The following C2orf78 variants were observed in gnomAD, a reference collection of about 807,000 sequenced individuals.
C2orf78 encodes the protein chromosome 2 open reading frame 78, also known as uncharacterized protein C2orf78.
Under a neutral mutation model 21.4 loss-of-function variants are expected in C2orf78, and 12 were observed. That is an observed-to-expected ratio of 0.56 (90% confidence interval 0.36 to 0.91). C2orf78 has a LOEUF of 0.91. Among genes scored for constraint, C2orf78 ranks in the 40% least tolerant of loss-of-function variants. The pLI, the probability that C2orf78 is intolerant of heterozygous loss-of-function variation, is 0.01. For synonymous variants in C2orf78, 396 were observed against 413.9 expected (o/e 0.96, Z 0.52); for missense variants, 1,042 against 1,092.4 (o/e 0.95, Z 0.65).
rs369481277 is a variant in C2orf78, at chr2:73,813,774, C to A, written c.395C>A (p.Thr132Lys). Residue 132 changes from threonine (T) to lysine (K), a missense_variant, in exon 2 of 3, where the codon ACA becomes AAA. Coordinates refer to ENST00000409561, the Ensembl canonical transcript of C2orf78. ...CCAGGCGTTTTTGAGTGGGATAGTA[C>A]AGCAAGCACAGTAAAGAAGTCATCC... The A allele has an allele frequency of 1.9e-6, 3 of 1,613,952 alleles. No individual in the cohort carries two copies. In the African/African-American group the frequency reaches 4.0e-5, roughly 22 times the overall value.
intron 1 of C2orf78, among the ~76,000 whole-genome samples, chr2:73,810,549 A>G (rs1268386842): frequency 4.2e-5 from 6 of 142,732 alleles, no homozygotes; most frequent in African/African-American, 1.5e-4. Flanking sequence ...ATATATATAT[A>G]TATACATAAA....
chr2:73,798,550 TC>T (rs1672962470), intron 1 of C2orf78, among the ~76,000 whole-genome samples: 1 of 3,744 alleles, frequency 2.7e-4, no homozygotes, highest in Admixed American at 1.5e-3. Flanking sequence ...AACTTAGACA[TC>T]CCCTTCCTTT....
At chr2:73,798,109 T>C (rs1672956485) in intron 1 of C2orf78, among the ~76,000 whole-genome samples, 1 of 107,430 alleles carries the variant, frequency 9.3e-6, no homozygotes, top group Admixed American at 8.8e-5. Flanking sequence ...TCAAGGAACT[T>C]TGCTGTTCAA....
In C2orf78 at chr2:73,816,956, T is replaced by G. The variant is rs1673216176; in HGVS notation, c.2733T>G (p.Asp911Glu). The G allele has an allele frequency of 1.5e-5, 24 of 1,611,050 alleles. 1 individual carries two copies. The highest frequency in any genetic ancestry group is 2.0e-5 in the Non-Finnish European group (24 of 1,178,488). The change falls in exon 3 of 3, where the codon GAT becomes GAG. Residue 911 changes from aspartate to glutamate, a missense_variant. By Grantham distance (45) the Asp-to-Glu change is conservative. Transcript: ENST00000409561. ...AGTTTTTCATTGAAAGGGAAAGAGA[T>G]ATGGAAATTGCTGAATACTATGGCT...
At position 73,813,995 on chromosome 2, in the gene C2orf78, C is replaced by T. The variant is rs1558542380; in HGVS notation, c.616C>T (p.Gln206Ter). ...GGGCCATAACCTGTCACTTCCCTGCCAGATAGGAAGCCAGGTCTATTACTA... is the reference window on the plus strand; with the variant it reads ...GGGCCATAACCTGTCACTTCCCTGCTAGATAGGAAGCCAGGTCTATTACTA... The change falls in exon 2 of 3, where the codon CAG (glutamine) becomes TAG (stop). Residue 206 changes from glutamine (Q) to a stop codon, truncating the protein, a stop_gained. Coordinates refer to ENST00000409561, the Ensembl canonical transcript of C2orf78. LOFTEE classifies it high-confidence loss of function. 1 of 1,614,022 alleles carries T rather than the reference C, an allele frequency of 6.2e-7. No individual in the cohort carries two copies. Among genetic ancestry groups the T allele is most frequent in the South Asian group, 1.1e-5 (1 of 91,084 alleles).
chr2:73,814,744 T>C (rs754625532), intron 2 of C2orf78, among the ~76,000 whole-genome samples: 2 of 152,216 alleles, frequency 1.3e-5, no homozygotes, highest in Non-Finnish European at 2.9e-5. Context: ...ACTGTTCTTA[T>C]TCTCTCAGGA....
At chr2:73,786,066 G>T (rs1331163109) in intron 1 of C2orf78, among the ~76,000 whole-genome samples, 2 of 151,844 alleles carry the variant, frequency 1.3e-5, no homozygotes, top group East Asian at 2.0e-4. Context: ...AAAAAAGAAA[G>T]AGAGAAATAT....
exon 3 of C2orf78, chr2:73,815,556 A>G: frequency 1.9e-6 from 3 of 1,613,990 alleles, no homozygotes; most frequent in Non-Finnish European, 2.5e-6. Flanking sequence ...GGCAGACATC[A>G]CTACATGGGT....
intron 1 of C2orf78, among the ~76,000 whole-genome samples, chr2:73,798,311 CG>C (rs1672960414): frequency 5.9e-5 from 2 of 33,674 alleles, no homozygotes; most frequent in Admixed American, 5.0e-4. Flanking sequence ...AAAAATTAGC[CG>C]GCTGAAGTGG....
At chr2:73,812,434 G>C (rs1277169586) in intron 1 of C2orf78, among the ~76,000 whole-genome samples, 1 of 152,056 alleles carries the variant, frequency 6.6e-6, no homozygotes, top group Non-Finnish European at 1.5e-5. Flanking sequence ...AATTATCACT[G>C]TTATTATTTT....
intron 1 of C2orf78, among the ~76,000 whole-genome samples, chr2:73,786,102 G>C (rs1672925295): frequency 6.6e-6 from 1 of 151,850 alleles, no homozygotes; most frequent in South Asian, 2.1e-4. Context: ...CTTCCAGGCA[G>C]GGTGCGGTGG....
At position 73,809,163 on chromosome 2, in the gene C2orf78, T is replaced by C. The variant is rs552062728; in HGVS notation, c.98-4314T>C. On this transcript the variant is annotated intron_variant, in intron 1 of 2. Coordinates refer to ENST00000409561, the Ensembl canonical transcript of C2orf78. ...TATTCCCCCTGGCCTTTTTCTTTTC[T>C]AATACTGAGTCTTAAAGGGTATACG... Among the ~76,000 whole-genome samples, 91 of 152,240 alleles carry C rather than the reference T, an allele frequency of 6.0e-4. 1 individual carries two copies. The highest frequency in any genetic ancestry group is 2.2e-3 in the African/African-American group (90 of 41,476).
At chr2:73,815,152 A>C in exon 3 of C2orf78, 1 of 1,613,932 alleles carries the variant, frequency 6.2e-7, no homozygotes, top group East Asian at 2.2e-5. Context: ...CAAACTCCAG[A>C]ATTCTCCAAG....
chr2:73,784,423 T>A lies in C2orf78; in HGVS notation c.97+17T>A. The A allele has an allele frequency of 1.2e-6, 1 of 802,890 alleles. No homozygotes were observed. Among genetic ancestry groups the A allele is most frequent in the East Asian group, 2.7e-5 (1 of 36,448 alleles). 49.7% of individuals were successfully genotyped at this position (802,890 alleles called of 1,614,324 possible). On this transcript the variant is annotated intron_variant, in intron 1 of 2. Transcript: ENST00000409561. ...CCATGTCAGGTAAAGAGAGAAACTTTTTAAAAAGGTTTTCATGAGATTTCT... is the reference window on the plus strand; with the variant it reads ...CCATGTCAGGTAAAGAGAGAAACTTATTAAAAAGGTTTTCATGAGATTTCT...
intron 1 of C2orf78, among the ~76,000 whole-genome samples, chr2:73,812,536 C>G (rs919118251): frequency 6.6e-6 from 1 of 152,152 alleles, no homozygotes; most frequent in East Asian, 1.9e-4. Flanking sequence ...CATTGTGGCT[C>G]ACACCTGTAA....
At chr2:73,815,294 T>A in exon 3 of C2orf78, 1 of 1,613,752 alleles carries the variant, frequency 6.2e-7, no homozygotes, top group Non-Finnish European at 8.5e-7. Flanking sequence ...AGGAAAAAAA[T>A]GAGAATGAGA....
At chr2:73,815,649 G>C in exon 3 of C2orf78, 1 of 1,613,988 alleles carries the variant, frequency 6.2e-7, no homozygotes, top group African/African-American at 1.3e-5. Flanking sequence ...GAAAGCCAAA[G>C]ATACCAGTGC....
chr2:73,816,768 G>T, exon 3 of C2orf78: 1 of 1,613,882 alleles, frequency 6.2e-7, no homozygotes. Context: ...TCTAATCCAA[G>T]ACTTCAGCCT....
chr2:73,816,492 A>G (rs1454436024), exon 3 of C2orf78: 8 of 1,613,658 alleles, frequency 5.0e-6, no homozygotes, highest in Non-Finnish European at 6.8e-6. Context: ...ACCTGATTCT[A>G]CTAACTCAGC....
Sources: allele counts gnomAD v4.1 joint callset (sites outside exome capture counted in the v4.1 genomes callset), GRCh38; gene constraint gnomAD v4.1.1; transcripts MANE v1.5; gene names NCBI Gene and HGNC (gene_info 2026-07-23, HGNC 2026-07-21).